Variants in NKAIN3 observed in about 807,000 individuals in gnomAD.
NKAIN3 encodes sodium/potassium-transporting ATPase subunit beta-1-interacting protein 3.
Under a neutral mutation model 30.2 loss-of-function variants are expected in NKAIN3, and 25 were observed. The observed-to-expected ratio is 0.83, with a 90% CI of 0.60 to 1.16. NKAIN3 has a LOEUF of 1.16. NKAIN3 is among the 50% of genes most tolerant of loss of function. The pLI is 0.00. For synonymous variants in NKAIN3, 91 were observed against 89.6 expected, an observed-to-expected ratio of 1.02 and a Z score of -0.09; for missense variants, 225 against 254.1, an observed-to-expected ratio of 0.89 and a Z score of 0.78.
At chr8:62,393,052 A>G (rs552365091) in intron 1 of NKAIN3, among the ~76,000 whole-genome samples, 1 of 152,104 alleles carries the variant, frequency 6.6e-6, no homozygotes, top group African/African-American at 2.4e-5. Flanking sequence ...ATCGCTGGTC[A>G]TACTTAGTGG....
intron 1 of NKAIN3, among the ~76,000 whole-genome samples, chr8:62,549,087 G>A (rs563137150): frequency 6.6e-6 from 1 of 152,244 alleles, no homozygotes; most frequent in East Asian, 1.9e-4. Context: ...CTTTAAGAGT[G>A]AATAAATTTT....
At chr8:62,549,134 C>T (rs952308302) in intron 1 of NKAIN3, among the ~76,000 whole-genome samples, 11 of 152,060 alleles carry the variant, frequency 7.2e-5, no homozygotes, top group South Asian at 2.1e-4. Context: ...TTACTGTGAA[C>T]GCTATAGTAT....
chr8:62,296,452 A>G (rs1813833771), intron 1 of NKAIN3, among the ~76,000 whole-genome samples: 1 of 152,198 alleles, frequency 6.6e-6, no homozygotes, highest in Non-Finnish European at 1.5e-5. Context: ...AAACAGTTAT[A>G]AGAAATTCTG....
intron 4 of NKAIN3, among the ~76,000 whole-genome samples, chr8:62,814,599 A>G (rs1225764375): frequency 6.6e-6 from 1 of 152,096 alleles, no homozygotes; most frequent in African/African-American, 2.4e-5. Flanking sequence ...ACTCAAATAC[A>G]TGGAAACTGA....
intron 3 of NKAIN3, among the ~76,000 whole-genome samples, chr8:62,711,811 A>G (rs1445636634): frequency 6.6e-6 from 1 of 152,144 alleles, no homozygotes; most frequent in Non-Finnish European, 1.5e-5. Context: ...AGCGTTAAAT[A>G]GCCTTGTTTT....
intron 1 of NKAIN3, among the ~76,000 whole-genome samples, chr8:62,398,599 C>T (rs375643866): frequency 1.2e-3 from 177 of 152,266 alleles, no homozygotes; most frequent in African/African-American, 4.1e-3. Context: ...AAAACAAACA[C>T]GTTACAAGCC....
chr8:62,535,999 T>C (rs1479450504), intron 1 of NKAIN3, among the ~76,000 whole-genome samples: 3 of 152,154 alleles, frequency 2.0e-5, no homozygotes, highest in Non-Finnish European at 4.4e-5. Context: ...CCAGGAACCA[T>C]GGATGAACAC....
In NKAIN3 at chr8:62,358,017, G is replaced by A. The variant is rs114897709; in HGVS notation, c.54+108890G>A. 1.6e-3 allele frequency among the ~76,000 whole-genome samples: 251 copies of A among 152,246 alleles called. 1 individual carries two copies. Among genetic ancestry groups the A allele is most frequent in the African/African-American group, 5.6e-3 (233 of 41,564 alleles). On this transcript the variant is annotated intron_variant, in intron 1 of 6. Transcript: ENST00000623646. Reference sequence around the variant, plus strand: ...CAACACCAAGATTGAAATTTTGGTTGATATTTTAAGAGTCAGTATATTGGC... The same window carrying A: ...CAACACCAAGATTGAAATTTTGGTTAATATTTTAAGAGTCAGTATATTGGC...
At chr8:62,856,611 A>G (rs1820066830) in intron 4 of NKAIN3, 1 of 779,130 alleles carries the variant, frequency 1.3e-6, no homozygotes, top group Admixed American at 1.7e-5. Context: ...GTTATGACTC[A>G]TCATGAACTG....
At chr8:62,636,409 A>C (rs1028489537) in intron 3 of NKAIN3, among the ~76,000 whole-genome samples, 6 of 152,164 alleles carry the variant, frequency 3.9e-5, no homozygotes, top group African/African-American at 1.4e-4. Context: ...ACATGCTATC[A>C]ATAGCTCTCA....
intron 4 of NKAIN3, among the ~76,000 whole-genome samples, chr8:62,760,045 TC>T (rs1437542275): frequency 6.9e-6 from 1 of 144,402 alleles, no homozygotes; most frequent in African/African-American, 2.7e-5. Context: ...TCACTGGCCA[TC>T]AGAGAAATGC....
At chr8:62,339,154 G>A (rs973336766) in intron 1 of NKAIN3, among the ~76,000 whole-genome samples, 5 of 152,014 alleles carry the variant, frequency 3.3e-5, no homozygotes, top group African/African-American at 1.2e-4. Flanking sequence ...TCTGGGGTCA[G>A]GATGAGGTTG....
At chr8:62,740,922 A>G (rs1217034925) in intron 3 of NKAIN3, among the ~76,000 whole-genome samples, 1 of 152,068 alleles carries the variant, frequency 6.6e-6, no homozygotes, top group Non-Finnish European at 1.5e-5. Context: ...GTGAATATAT[A>G]AGGTATACCT....
intron 4 of NKAIN3, among the ~76,000 whole-genome samples, chr8:62,767,658 A>C (rs1030771256): frequency 3.3e-5 from 5 of 152,018 alleles, no homozygotes; most frequent in African/African-American, 1.2e-4. Context: ...TTTACTTAGA[A>C]GCTTAGGATT....
intron 5 of NKAIN3, among the ~76,000 whole-genome samples, chr8:62,937,119 C>G (rs1402016869): frequency 6.6e-6 from 1 of 151,646 alleles, no homozygotes; most frequent in Non-Finnish European, 1.5e-5. Context: ...GACCAAAAAC[C>G]CTTCACATAA....
At chr8:62,939,359 G>A (rs896341842) in intron 5 of NKAIN3, among the ~76,000 whole-genome samples, 2 of 152,154 alleles carry the variant, frequency 1.3e-5, no homozygotes, top group African/African-American at 4.8e-5. Context: ...AACTTTTCTG[G>A]CCTTACTACA....
chr8:62,249,276 T>C, intron 1 of NKAIN3, 149 bp downstream of exon 1: 2 of 679,166 alleles, frequency 2.9e-6, no homozygotes, highest in South Asian at 4.0e-5. Context: ...ACCGCCTGGC[T>C]GGGCTCGCAC....
intron 1 of NKAIN3, among the ~76,000 whole-genome samples, chr8:62,505,706 T>C (rs529208110): frequency 2.6e-5 from 4 of 152,278 alleles, no homozygotes; most frequent in African/African-American, 9.6e-5. Context: ...TTAATCAAAA[T>C]GGCTTTGTGA....
chr8:62,509,951 A>G (rs1310640068), intron 1 of NKAIN3, among the ~76,000 whole-genome samples: 1 of 152,140 alleles, frequency 6.6e-6, no homozygotes, highest in African/African-American at 2.4e-5. Flanking sequence ...ATGTGCATAA[A>G]TATGTATATT....
Sources: allele counts gnomAD v4.1 joint callset (sites outside exome capture counted in the v4.1 genomes callset), GRCh38; gene constraint gnomAD v4.1.1; transcripts MANE v1.5; gene names NCBI Gene and HGNC (gene_info 2026-07-23, HGNC 2026-07-21).